WDR5B: variants seen among roughly 807,000 people sequenced by gnomAD.
WDR5B encodes the protein WD repeat domain 5B, also known as WD repeat-containing protein 5B.
A neutral mutation model predicts 24.0 loss-of-function variants in WDR5B; 17 were observed. The observed-to-expected ratio is 0.71, with a 90% CI of 0.49 to 1.06. WDR5B has a LOEUF of 1.06. Ranked by LOEUF, WDR5B falls within the 50% of genes least tolerant of loss-of-function variation. The pLI is 0.00. For missense variants in WDR5B, 368 were observed against 384.1 expected, an observed-to-expected ratio of 0.96 and a Z score of 0.35; for synonymous variants, 150 against 146.4, an observed-to-expected ratio of 1.02 and a Z score of -0.18.
Position 122,414,329 on chromosome 3 carries a change from A to T in WDR5B, c.*207T>A. The T allele has an allele frequency of 1.5e-6, 1 of 648,576 alleles. No homozygotes were observed. Among genetic ancestry groups the T allele is most frequent in the South Asian group, 2.1e-5 (1 of 47,004 alleles). The allele number at this position is 648,576 out of a possible 1,614,324, so 40.2% of individuals were successfully genotyped here. On this transcript the variant is annotated 3_prime_UTR_variant, in exon 1 of 1. Coordinates refer to ENST00000330689, the MANE Select transcript of WDR5B (RefSeq NM_019069.4). ...GACATAAATCCATAAAAATTACAAA[A>T]AGTTGCTCAAAAAAGATTGGTAGTC...
chr3:122,414,913 C>G lies in WDR5B; in HGVS notation c.616G>C (p.Val206Leu). Reference protein sequence around the residue: ...AASGQCLKTLVDDDNPPVSFV... With the variant: ...AASGQCLKTLLDDDNPPVSFV... ...GAGACAGGAGGGTTATCGTCATCAA[C>G]GAGCGTTTTTAAACACTGACCTGAT... The change falls in exon 1 of 1, where the codon GTT becomes CTT. Residue 206 changes from valine (V) to leucine (L), a missense_variant. By Grantham distance (32) the Val-to-Leu change is conservative. Transcript: ENST00000330689. 1 of 1,614,180 alleles carries G rather than the reference C, an allele frequency of 6.2e-7. No homozygotes were observed. The highest frequency in any genetic ancestry group is 8.5e-7 in the Non-Finnish European group (1 of 1,180,036).
rs1418993532 is a variant in WDR5B at position 122,413,456 on chromosome 3, A to G, written c.*1080T>C. 2 of 152,174 alleles carry G rather than the reference A, an allele frequency of 1.3e-5. No homozygotes were observed. Among genetic ancestry groups the G allele is most frequent in the Non-Finnish European group, 2.9e-5 (2 of 68,058 alleles). 9.4% of individuals were successfully genotyped at this position (152,174 alleles called of 1,614,324 possible). On this transcript the variant is annotated 3_prime_UTR_variant, in exon 1 of 1. Coordinates refer to ENST00000330689, the MANE Select transcript of WDR5B (RefSeq NM_019069.4). ...CCCTGTCTCTACTAAAAATAGAAAC[A>G]TTAGCCAGGCATGGTGGCACGCCTG... is the stretch of plus-strand genomic sequence containing the variant.
In WDR5B at chr3:122,413,982, CACACACACAT is replaced by C. The variant is rs914633914; in HGVS notation, c.*544_*553del. On this transcript the variant is annotated 3_prime_UTR_variant, in exon 1 of 1. Coordinates refer to ENST00000330689, the MANE Select transcript of WDR5B (RefSeq NM_019069.4). ...ATACACATACACATATATGCATACA[CACACACACAT>C]ACACACCACAGAATACTACTCAGCC... The C allele has an allele frequency of 4.5e-5, 7 of 156,108 alleles. No homozygotes were observed. The highest frequency in any genetic ancestry group is 1.7e-4 in the African/African-American group (7 of 41,358). The allele number at this position is 156,108 out of a possible 1,614,324, so 9.7% of individuals were successfully genotyped here.
rs776417123 is a variant in WDR5B, at chr3:122,415,491, A to G, written c.38T>C (p.Leu13Ser). ...TKESRDAKAQLALSSSANQSK... is the reference protein window; with the variant it reads ...TKESRDAKAQSALSSSANQSK... ...CTGATTGGCCGATGAGGAGAGGGCC[A>G]ACTGTGCTTTGGCGTCTCTTGACTC... The change falls in exon 1 of 1, where the codon TTG (leucine) becomes TCG (serine). Residue 13 changes from leucine to serine, a missense_variant. Physicochemically the swap from Leu to Ser is moderately radical, Grantham distance 145. Coordinates refer to ENST00000330689, the MANE Select transcript of WDR5B (RefSeq NM_019069.4). 1.4e-5 allele frequency: 22 copies of G among 1,613,846 alleles called. No homozygotes were observed. The highest frequency in any genetic ancestry group is 1.8e-5 in the Non-Finnish European group (21 of 1,179,920).
At position 122,415,013 on chromosome 3, in the gene WDR5B, A is replaced by G; in HGVS notation, c.516T>C (p.Ala172=). The change falls in exon 1 of 1, where the codon GCT becomes GCC. Residue 172 remains alanine, a synonymous_variant. Coordinates refer to ENST00000330689, the MANE Select transcript of WDR5B (RefSeq NM_019069.4). ...TLSAHSDPVS[A]VHFNCSGSLI... is the part of the protein sequence containing the mutation. ...AGGACCCACTACAATTAAAATGAAC[A>G]GCAGAAACTGGGTCAGAATGAGCAG... 1 of 1,614,224 alleles carries G rather than the reference A, an allele frequency of 6.2e-7. No individual in the cohort carries two copies. The highest frequency in any genetic ancestry group is 8.5e-7 in the Non-Finnish European group (1 of 1,180,032).
chr3:122,414,855 A>G lies in WDR5B; in HGVS notation c.674T>C (p.Ile225Thr), dbSNP rs372250469. The G allele has an allele frequency of 6.2e-7, 1 of 1,614,048 alleles. No individual in the cohort carries two copies. The highest frequency in any genetic ancestry group is 8.5e-7 in the Non-Finnish European group (1 of 1,180,040). Residue 225 changes from isoleucine to threonine, a missense_variant, in exon 1 of 1, where the codon ATT becomes ACT. Transcript: ENST00000330689. The stretch of plus-strand genomic sequence containing the variant: ...AGTGTTGTCCAAAGTTGCAGTGAGA[A>G]TGTATTTACCATTTGGAGAAAATTT... ...FVKFSPNGKYILTATLDNTLK... is the reference protein window; with the variant it reads ...FVKFSPNGKYTLTATLDNTLK...
chr3:122,415,699 A>G lies in WDR5B; in HGVS notation c.-171T>C. The G allele has an allele frequency of 1.3e-6, 1 of 768,476 alleles. No individual in the cohort carries two copies. The highest frequency in any genetic ancestry group is 2.0e-6 in the Non-Finnish European group (1 of 497,860). 47.6% of individuals were successfully genotyped at this position (768,476 alleles called of 1,614,324 possible). On this transcript the variant is annotated 5_prime_UTR_variant, in exon 1 of 1. Transcript: ENST00000330689. The stretch of plus-strand genomic sequence containing the variant: ...AGTCTTTAAACTGTGAGACGGAATC[A>G]GCAGCACGGCTTGGACTTCAAGTTT...
Position 122,415,571 on chromosome 3 carries a change from C to T in WDR5B, c.-43G>A. ...TTAGCAGGTGTACTAGGCGTTCAGC[C>T]CTGAACCAGGCAGTCCAGTACTTTG... On this transcript the variant is annotated 5_prime_UTR_variant, in exon 1 of 1. Transcript: ENST00000330689. 6.4e-7 allele frequency: 1 copy of T among 1,565,296 alleles called. No homozygotes were observed. The highest frequency in any genetic ancestry group is 8.6e-7 in the Non-Finnish European group (1 of 1,158,744).
chr3:122,415,710 T>C lies in WDR5B; in HGVS notation c.-182A>G, dbSNP rs1164084295. 3 of 695,614 alleles carry C rather than the reference T, an allele frequency of 4.3e-6. No homozygotes were observed. Among genetic ancestry groups the C allele is most frequent in the Non-Finnish European group, 6.9e-6 (3 of 436,560 alleles). 43.1% of individuals were successfully genotyped at this position (695,614 alleles called of 1,614,324 possible). ...TGTGAGACGGAATCAGCAGCACGGC[T>C]TGGACTTCAAGTTTTCATCTTTTTG... On this transcript the variant is annotated 5_prime_UTR_variant, in exon 1 of 1. Transcript: ENST00000330689.
rs376171546 is a variant in WDR5B, at chr3:122,412,411, G to A, written c.*2125C>T. Reference sequence around the variant, plus strand: ...AAATTTATCAAAGCAGGCAAGGAATGAAGTTGTATCCTTCACTGTCAAACA... The same window carrying A: ...AAATTTATCAAAGCAGGCAAGGAATAAAGTTGTATCCTTCACTGTCAAACA... On this transcript the variant is annotated 3_prime_UTR_variant, in exon 1 of 1. Coordinates refer to ENST00000330689, the MANE Select transcript of WDR5B (RefSeq NM_019069.4). 6.6e-5 allele frequency: 10 copies of A among 152,190 alleles called. No individual in the cohort carries two copies. Among genetic ancestry groups the A allele is most frequent in the African/African-American group, 2.4e-4 (10 of 41,450 alleles). The allele number at this position is 152,190 out of a possible 1,614,324, so 9.4% of individuals were successfully genotyped here.
chr3:122,415,643 G>C lies in WDR5B; in HGVS notation c.-115C>G, dbSNP rs947131573. On this transcript the variant is annotated 5_prime_UTR_variant, in exon 1 of 1. Coordinates refer to ENST00000330689, the MANE Select transcript of WDR5B (RefSeq NM_019069.4). ...AGATAAACGCACAGGATTTTAAAAT[G>C]TACAGTTTTGAAAGCTTAAAGTTTC... The C allele has an allele frequency of 6.6e-6, 9 of 1,361,544 alleles. No homozygotes were observed. In the African/African-American group the frequency reaches 1.3e-4, roughly 20 times the overall value. The allele number at this position is 1,361,544 out of a possible 1,614,324, so 84.3% of individuals were successfully genotyped here.
rs1221019217 is a variant in WDR5B, at chr3:122,414,994, C to T, written c.535G>A (p.Gly179Arg). 1.9e-6 allele frequency: 3 copies of T among 1,614,084 alleles called. No homozygotes were observed. The highest frequency in any genetic ancestry group is 2.5e-6 in the Non-Finnish European group (3 of 1,180,052). The change falls in exon 1 of 1, where the codon GGG becomes AGG. Residue 179 changes from glycine to arginine, a missense_variant. Transcript: ENST00000330689. ...TAGCTACCTGACACTATCAAGGACC[C>T]ACTACAATTAAAATGAACAGCAGAA... ...PVSAVHFNCS[G>R]SLIVSGSYDG...
chr3:122,414,667 C>A lies in WDR5B; in HGVS notation c.862G>T (p.Glu288Ter), dbSNP rs1467317057. The change falls in exon 1 of 1, where the codon GAG (glutamate) becomes TAG (stop). Residue 288 changes from glutamate to a stop codon, truncating the protein, a stop_gained. Coordinates refer to ENST00000330689, the MANE Select transcript of WDR5B (RefSeq NM_019069.4). LOFTEE classifies it high-confidence loss of function. Reference sequence around the variant, plus strand: ...TGGCCTTGTAATTTCTGCACAATCTCTTTAGTCTGAAGGTTCCAAATGTAA... The same window carrying A: ...TGGCCTTGTAATTTCTGCACAATCTATTTAGTCTGAAGGTTCCAAATGTAA... ...LVYIWNLQTK[E>*]IVQKLQGHTD... The A allele has an allele frequency of 2.5e-6, 4 of 1,614,082 alleles. No individual in the cohort carries two copies. Among genetic ancestry groups the A allele is most frequent in the Non-Finnish European group, 3.4e-6 (4 of 1,180,050 alleles).
chr3:122,414,356 G>T lies in WDR5B; in HGVS notation c.*180C>A. ...GTTGCTCAAAAAAGATTGGTAGTCA[G>T]AAGCTGAATTCTAGATGTGCTTTTT... On this transcript the variant is annotated 3_prime_UTR_variant, in exon 1 of 1. Coordinates refer to ENST00000330689, the MANE Select transcript of WDR5B (RefSeq NM_019069.4). 1.3e-6 allele frequency: 1 copy of T among 781,420 alleles called. No homozygotes were observed. Among genetic ancestry groups the T allele is most frequent in the Non-Finnish European group, 2.0e-6 (1 of 512,278 alleles). The allele number at this position is 781,420 out of a possible 1,614,324, so 48.4% of individuals were successfully genotyped here.
At position 122,411,910 on chromosome 3, in the gene WDR5B, A is replaced by C. The variant is rs1012129998; in HGVS notation, c.*2626T>G. 6.6e-6 allele frequency: 1 copy of C among 152,186 alleles called. No homozygotes were observed. The highest frequency in any genetic ancestry group is 1.5e-5 in the Non-Finnish European group (1 of 68,036). The allele number at this position is 152,186 out of a possible 1,614,324, so 9.4% of individuals were successfully genotyped here. A position where few individuals can be genotyped will look rare whatever the true frequency, so the allele number is the denominator to read the frequency against. Reference sequence around the variant, plus strand: ...CTAAAGCTCACAACTGTTATTATGCATCAGGAATTAACAGTCATTTCTCAT... The same window carrying C: ...CTAAAGCTCACAACTGTTATTATGCCTCAGGAATTAACAGTCATTTCTCAT... On this transcript the variant is annotated 3_prime_UTR_variant, in exon 1 of 1. Transcript: ENST00000330689.
chr3:122,415,524 G>A lies in WDR5B; in HGVS notation c.5C>T (p.Ala2Val). M[A>V]TKESRDAKAQ... ...TTTGGCGTCTCTTGACTCCTTGGTT[G>A]CCATGGCTCTGAAGCTCCAAGTTAG... Residue 2 changes from alanine (A) to valine (V), a missense_variant, in exon 1 of 1, where the codon GCA becomes GTA. By Grantham distance (64) the Ala-to-Val change is moderately conservative (BLOSUM62 0). Transcript: ENST00000330689. 6.2e-7 allele frequency: 1 copy of A among 1,609,094 alleles called. No individual in the cohort carries two copies. The highest frequency in any genetic ancestry group is 8.5e-7 in the Non-Finnish European group (1 of 1,177,184).
chr3:122,415,212 G>A lies in WDR5B; in HGVS notation c.317C>T (p.Thr106Ile), dbSNP rs2075728233. Residue 106 changes from threonine to isoleucine, a missense_variant, in exon 1 of 1, where the codon ACT becomes ATT. Physicochemically the swap from Thr to Ile is moderately conservative, Grantham distance 89. Transcript: ENST00000330689. ...SRLVSASDDK[T>I]LKLWDVRSGK... is the part of the protein sequence containing the mutation. ...AGATCTCACATCCCATAATTTTAGA[G>A]TTTTATCATCTGAGGCAGAAACAAG... 1 of 1,614,196 alleles carries A rather than the reference G, an allele frequency of 6.2e-7. No individual in the cohort carries two copies. The highest frequency in any genetic ancestry group is 8.5e-7 in the Non-Finnish European group (1 of 1,180,034).
rs926799079 is a variant in WDR5B, at chr3:122,414,369, A to G, written c.*167T>C. The G allele has an allele frequency of 7.1e-5, 61 of 854,862 alleles. No individual in the cohort carries two copies. Among genetic ancestry groups the G allele is most frequent in the Admixed American group, 3.2e-5 (1 of 30,882 alleles). 53.0% of individuals were successfully genotyped at this position (854,862 alleles called of 1,614,324 possible). ...GATTGGTAGTCAGAAGCTGAATTCT[A>G]GATGTGCTTTTTCAACTATCTCATT... On this transcript the variant is annotated 3_prime_UTR_variant, in exon 1 of 1. Transcript: ENST00000330689.
chr3:122,415,638 A>C lies in WDR5B; in HGVS notation c.-110T>G. 1 of 1,390,606 alleles carries C rather than the reference A, an allele frequency of 7.2e-7. No homozygotes were observed. Among genetic ancestry groups the C allele is most frequent in the East Asian group, 2.3e-5 (1 of 43,068 alleles). 86.1% of individuals were successfully genotyped at this position (1,390,606 alleles called of 1,614,324 possible). On this transcript the variant is annotated 5_prime_UTR_variant, in exon 1 of 1. Transcript: ENST00000330689. ...AATGAAGATAAACGCACAGGATTTT[A>C]AAATGTACAGTTTTGAAAGCTTAAA...
Sources: allele counts gnomAD v4.1 joint callset, GRCh38; gene constraint gnomAD v4.1.1; transcripts MANE v1.5; gene names NCBI Gene and HGNC (gene_info 2026-07-23, HGNC 2026-07-21).